The following FKBP5 variants were observed in gnomAD, a reference collection of about 807,000 sequenced individuals.
FKBP5 encodes the protein FKBP prolyl isomerase 5.
In FKBP5, 23 loss-of-function variants were observed where a neutral mutation model predicts 50.5. That is an observed-to-expected ratio of 0.46 (90% confidence interval 0.33 to 0.65). The LOEUF (loss-of-function observed/expected upper bound fraction) is 0.65, where lower values mean the gene tolerates loss of function less well. Among genes scored for constraint, FKBP5 ranks in the 30% least tolerant of loss-of-function variants. The probability of loss-of-function intolerance (pLI) is 0.02; values close to 1 mark genes in which losing one functional copy is unlikely to be tolerated. For missense variants in FKBP5, 411 were observed against 553.1 expected (o/e 0.74, Z 2.58); for synonymous variants, 176 against 190.6 (o/e 0.92, Z 0.63).
intron 1 of FKBP5, among the ~76,000 whole-genome samples, chr6:35,658,528 C>T (rs1765021339): frequency 6.6e-6 from 1 of 152,098 alleles, no homozygotes. Context: ...CACAGATACC[C>T]TTTATCATAT....
At chr6:35,648,251 T>C (rs1264091950) in intron 1 of FKBP5, among the ~76,000 whole-genome samples, 1 of 152,136 alleles carries the variant, frequency 6.6e-6, no homozygotes, top group African/African-American at 2.4e-5. Context: ...GAGAAATTCT[T>C]TGATGGAATT....
chr6:35,718,622 C>T (rs1415157123), intron 2 of FKBP5, among the ~76,000 whole-genome samples: 1 of 152,206 alleles, frequency 6.6e-6, no homozygotes, highest in African/African-American at 2.4e-5. Flanking sequence ...AATCCCAATT[C>T]GGACTCCATA....
chr6:35,622,631 G>A (rs1763880644), intron 3 of FKBP5, among the ~76,000 whole-genome samples: 1 of 152,060 alleles, frequency 6.6e-6, no homozygotes, highest in Non-Finnish European at 1.5e-5. Context: ...ACGTTTCTTT[G>A]GTATCCTACT....
chr6:35,622,981 G>A (rs1219133255), intron 3 of FKBP5, among the ~76,000 whole-genome samples: 3 of 152,196 alleles, frequency 2.0e-5, no homozygotes, highest in Non-Finnish European at 4.4e-5. Flanking sequence ...GGTGGCTCAC[G>A]CCTGTAATCC....
At chr6:35,689,608 CG>C (rs1765944220), upstream of FKBP5, among the ~76,000 whole-genome samples, 1 of 151,996 alleles carries the variant, frequency 6.6e-6, no homozygotes, top group South Asian at 2.1e-4. Context: ...TTTGGAAGGC[CG>C]AGGTGGGCGG....
chr6:35,683,120 A>G (rs79155613), intron 1 of FKBP5, among the ~76,000 whole-genome samples: 5,634 of 80,564 alleles, frequency 0.07, 806 homozygotes, highest in East Asian at 0.15. Flanking sequence ...ATATACGTAT[A>G]TGTGTGTGTG....
chr6:35,687,546 C>T (rs1265935007), intron 1 of FKBP5, among the ~76,000 whole-genome samples: 1 of 152,064 alleles, frequency 6.6e-6, no homozygotes, highest in Non-Finnish European at 1.5e-5. Context: ...AAATACTTAA[C>T]CAAAATATGC....
chr6:35,585,210 G>C, intron 8 of FKBP5: 5 of 973,640 alleles, frequency 5.1e-6, no homozygotes, highest in Non-Finnish European at 6.1e-6. Context: ...ATATAGTTAA[G>C]GATTTTTATG....
chr6:35,615,124 A>AAACAACAAC lies in FKBP5; in HGVS notation c.508+3963_508+3971dup, dbSNP rs534273489. 2.9e-3 allele frequency among the ~76,000 whole-genome samples: 428 copies of AAACAACAAC among 148,302 alleles called. 1 individual carries two copies. Among genetic ancestry groups the AAACAACAAC allele is most frequent in the African/African-American group, 9.4e-3 (374 of 39,908 alleles). Reference sequence around the variant, plus strand: ...GGGCGACAGAGTGAGACTCTGTCGCAAACAACAACAACAACAACAACAACA... The same window carrying AAACAACAAC: ...GGGCGACAGAGTGAGACTCTGTCGCAAACAACAACAACAACAACAACAACAACAACAACA... On this transcript the variant is annotated intron_variant, in intron 5 of 10. Transcript: ENST00000357266.
At chr6:35,610,142 T>C (rs1333351521) in intron 5 of FKBP5, among the ~76,000 whole-genome samples, 1 of 152,192 alleles carries the variant, frequency 6.6e-6, no homozygotes, top group Admixed American at 6.5e-5. Flanking sequence ...ATTTCACAAA[T>C]ATTTATTAAG....
chr6:35,612,803 C>G (rs1187674835), intron 5 of FKBP5, among the ~76,000 whole-genome samples: 1 of 152,198 alleles, frequency 6.6e-6, no homozygotes, highest in Non-Finnish European at 1.5e-5. Flanking sequence ...AATGCCCCCC[C>G]GATTCAGTTA....
chr6:35,581,558 C>G, intron 8 of FKBP5: 1 of 984,714 alleles, frequency 1.0e-6, no homozygotes, highest in Non-Finnish European at 1.2e-6. Flanking sequence ...CCACTGCACT[C>G]CAGCCTGGGT....
chr6:35,649,918 C>T (rs558237029), intron 1 of FKBP5, among the ~76,000 whole-genome samples: 27 of 152,146 alleles, frequency 1.8e-4, no homozygotes, highest in African/African-American at 6.5e-4. Flanking sequence ...GAATGTTAGA[C>T]TAAAATTTGG....
At position 35,582,396 on chromosome 6, in the gene FKBP5, G is replaced by A. The variant is rs924760386; in HGVS notation, c.841-2175C>T. 6 of 688,880 alleles carry A rather than the reference G, an allele frequency of 8.7e-6. No individual in the cohort carries two copies. In the East Asian group the frequency reaches 6.7e-4, roughly 77 times the overall value. The allele number at this position is 688,880 out of a possible 1,614,324, so 42.7% of individuals were successfully genotyped here. On this transcript the variant is annotated intron_variant, in intron 8 of 10. Coordinates refer to ENST00000357266, the MANE Select transcript of FKBP5 (RefSeq NM_004117.4). ...ATGGAGCATTTGGGGAGGGAATTAG[G>A]TTAGATGTGGTCATGAGGGTGGGGC...
At chr6:35,712,986 A>T (rs1311667696) in intron 2 of FKBP5, among the ~76,000 whole-genome samples, 1 of 140,566 alleles carries the variant, frequency 7.1e-6, no homozygotes, top group Non-Finnish European at 1.5e-5. Context: ...CTGAGGTGGG[A>T]GGATCACTTG....
chr6:35,580,758 G>C (rs1472510975), intron 8 of FKBP5: 2 of 582,096 alleles, frequency 3.4e-6, no homozygotes, highest in Non-Finnish European at 4.3e-6. Context: ...GGCCAGGCTG[G>C]TCTTGAACTC....
Position 35,620,285 on chromosome 6 carries a change from G to C in FKBP5, c.251-11C>G, listed in dbSNP as rs1303325183. The C allele has an allele frequency of 2.0e-5, 32 of 1,612,476 alleles. No homozygotes were observed. Among genetic ancestry groups the C allele is most frequent in the Non-Finnish European group, 2.6e-5 (31 of 1,179,214 alleles). ...CCTTGATGACTTGGCCTAAGGGAAA[G>C]GAAAAGGTAGTTGAAAGCTATAAGC... On this transcript the variant is annotated splice_polypyrimidine_tract_variant and intron_variant, in intron 3 of 10. Coordinates refer to ENST00000357266, the MANE Select transcript of FKBP5 (RefSeq NM_004117.4).
intron 8 of FKBP5, chr6:35,585,979 A>G (rs1348417368): frequency 1.0e-6 from 1 of 984,918 alleles, no homozygotes; most frequent in Non-Finnish European, 1.2e-6. Context: ...AGCATGTCTT[A>G]TAGCAGATGC....
chr6:35,725,088 A>T (rs1766677875), intron 1 of FKBP5, among the ~76,000 whole-genome samples: 1 of 152,200 alleles, frequency 6.6e-6, no homozygotes, highest in Non-Finnish European at 1.5e-5. Context: ...TGGGGGAGAA[A>T]GGCCAGATCA....
Sources: allele counts gnomAD v4.1 joint callset (sites outside exome capture counted in the v4.1 genomes callset), GRCh38; gene constraint gnomAD v4.1.1; transcripts MANE v1.5; gene names NCBI Gene and HGNC (gene_info 2026-07-23, HGNC 2026-07-21).